The following LINGO2 variants were observed in gnomAD, a reference collection of about 807,000 sequenced individuals.
The protein encoded by LINGO2 is leucine-rich repeat and immunoglobulin-like domain-containing nogo receptor-interacting protein 2.
A neutral mutation model predicts 30.6 loss-of-function variants in LINGO2; 14 were observed. That is an observed-to-expected ratio of 0.46 (90% CI 0.30 to 0.72). The LOEUF is 0.72. LINGO2 is among the 30% of genes least tolerant of loss of function. LINGO2 has a pLI of 0.07. For synonymous variants in LINGO2, 317 were observed against 288.5 expected (o/e 1.10, Z -1.00); for missense variants, 729 against 751.7 (o/e 0.97, Z 0.35).
chr9:28,411,952 ATTTCAATAGC>A (rs1456568698), intron 2 of LINGO2, among the ~76,000 whole-genome samples: 1 of 151,974 alleles, frequency 6.6e-6, no homozygotes, highest in South Asian at 2.1e-4. Flanking sequence ...AAAAATATTG[ATTTCAATAGC>A]TTTAGGGGTA....
chr9:28,152,289 C>G (rs963800880), intron 4 of LINGO2, among the ~76,000 whole-genome samples: 2 of 151,440 alleles, frequency 1.3e-5, no homozygotes, highest in African/African-American at 4.8e-5. Flanking sequence ...TAAAAAGAGC[C>G]TGGCAACTCT....
At chr9:28,487,278 C>G (rs550464555) in intron 1 of LINGO2, among the ~76,000 whole-genome samples, 125 of 152,242 alleles carry the variant, frequency 8.2e-4, no homozygotes, top group African/African-American at 2.8e-3. Context: ...ATGCTTTTCT[C>G]ACCACTGTGA....
chr9:28,152,123 T>A (rs1188146471), intron 4 of LINGO2, among the ~76,000 whole-genome samples: 2 of 152,152 alleles, frequency 1.3e-5, no homozygotes, highest in Admixed American at 6.5e-5. Flanking sequence ...TCAAATCCCA[T>A]GTTGAAATTT....
the LINGO2 span, among the ~76,000 whole-genome samples, chr9:28,899,550 C>T: frequency 6.6e-6 from 1 of 152,214 alleles, no homozygotes; most frequent in African/African-American, 2.4e-5. Flanking sequence ...TTTGCTAGCC[C>T]TTGCATCCCT....
chr9:28,664,020 G>C (rs1049268737), intron 1 of LINGO2, among the ~76,000 whole-genome samples: 10 of 152,122 alleles, frequency 6.6e-5, no homozygotes, highest in African/African-American at 2.2e-4. Context: ...GATAATATGA[G>C]ATATTTGGTA....
chr9:28,553,034 A>G (rs1329877126), intron 1 of LINGO2, among the ~76,000 whole-genome samples: 1 of 151,996 alleles, frequency 6.6e-6, no homozygotes. Flanking sequence ...CTTTGGTATA[A>G]CATGCTTTCT....
chr9:28,791,663 C>A, the LINGO2 span, among the ~76,000 whole-genome samples: 5 of 151,954 alleles, frequency 3.3e-5, no homozygotes, highest in Admixed American at 2.6e-4. Context: ...TAAAAAAGTA[C>A]TCTACTTTAC....
Position 28,054,488 on chromosome 9 carries a change from G to A in LINGO2, c.-86-42083C>T, listed in dbSNP as rs75516240. 3.3e-3 allele frequency among the ~76,000 whole-genome samples: 503 copies of A among 152,180 alleles called. 6 individuals carry two copies. The highest frequency in any genetic ancestry group is 0.011 in the African/African-American group (477 of 41,544). On this transcript the variant is annotated intron_variant, in intron 4 of 5. Coordinates refer to ENST00000379992, the Ensembl canonical transcript of LINGO2. ...CAATTTTATCTAGACCTTAGCTAAC[G>A]TAGTATATATTAGGTATATTAAGAA... is the stretch of plus-strand genomic sequence containing the variant.
intron 4 of LINGO2, among the ~76,000 whole-genome samples, chr9:28,132,182 A>C (rs1005226668): frequency 2.0e-5 from 3 of 152,280 alleles, no homozygotes; most frequent in Admixed American, 2.0e-4. Context: ...AATCTTTTGC[A>C]TATTATGTTC....
chr9:28,594,060 C>T (rs562558064), intron 1 of LINGO2, among the ~76,000 whole-genome samples: 5 of 151,160 alleles, frequency 3.3e-5, no homozygotes, highest in South Asian at 2.1e-4. Flanking sequence ...AAAAAAAACA[C>T]AAAAGTACCC....
chr9:28,673,915 G>T (rs1302962789), upstream of LINGO2, among the ~76,000 whole-genome samples: 2 of 151,386 alleles, frequency 1.3e-5, no homozygotes, highest in South Asian at 4.2e-4. Flanking sequence ...TTTTCAAGCA[G>T]TTAACAGACA....
the LINGO2 span, among the ~76,000 whole-genome samples, chr9:28,900,107 C>T: frequency 9.9e-5 from 15 of 152,114 alleles, no homozygotes; most frequent in African/African-American, 3.1e-4. Flanking sequence ...CCATGCCAAT[C>T]GTCCTGGTTC....
At chr9:28,101,793 C>A (rs920491217) in intron 4 of LINGO2, among the ~76,000 whole-genome samples, 1 of 152,146 alleles carries the variant, frequency 6.6e-6, no homozygotes, top group African/African-American at 2.4e-5. Flanking sequence ...GGATTACATT[C>A]CCCTGCCATC....
At chr9:28,575,339 C>T (rs1238260234) in intron 1 of LINGO2, among the ~76,000 whole-genome samples, 1 of 149,992 alleles carries the variant, frequency 6.7e-6, no homozygotes, top group Non-Finnish European at 1.5e-5. Flanking sequence ...GCAGAGGTTG[C>T]AGTGAGCCAA....
At chr9:28,077,366 AC>A (rs1479695307) in intron 4 of LINGO2, among the ~76,000 whole-genome samples, 6 of 152,232 alleles carry the variant, frequency 3.9e-5, no homozygotes, top group African/African-American at 1.4e-4. Context: ...AGTGAGTCTT[AC>A]AAAAATGTGC....
At chr9:28,830,884 G>A in the LINGO2 span, among the ~76,000 whole-genome samples, 22 of 151,888 alleles carry the variant, frequency 1.4e-4, no homozygotes, top group African/African-American at 1.9e-4. Context: ...GCATGCGTGC[G>A]CACGCACGCA....
At chr9:28,325,212 T>C (rs183068586) in intron 3 of LINGO2, among the ~76,000 whole-genome samples, 1 of 152,260 alleles carries the variant, frequency 6.6e-6, no homozygotes, top group Admixed American at 6.5e-5. Flanking sequence ...AGGGCATTTA[T>C]ATTAGAAAAC....
At position 28,103,422 on chromosome 9, in the gene LINGO2, G is replaced by A. The variant is rs375359840; in HGVS notation, c.-86-91017C>T. On this transcript the variant is annotated intron_variant, in intron 4 of 5. Coordinates refer to ENST00000379992, the Ensembl canonical transcript of LINGO2. ...AGTGAGATGATGCAACTTCCCAACC[G>A]AGGCCCTAAGAAGCTTTGTCTGTTT... Among the ~76,000 whole-genome samples, 5 of 152,026 alleles carry A rather than the reference G, an allele frequency of 3.3e-5. No individual in the cohort carries two copies. The South Asian group carries it at 6.2e-4, about 19-fold the overall frequency.
At chr9:28,994,106 T>C in the LINGO2 span, among the ~76,000 whole-genome samples, 1 of 151,976 alleles carries the variant, frequency 6.6e-6, no homozygotes, top group Non-Finnish European at 1.5e-5. Flanking sequence ...CATGATTGTA[T>C]ATCTAGAAAA....
Sources: allele counts gnomAD v4.1 joint callset (sites outside exome capture counted in the v4.1 genomes callset), GRCh38; gene constraint gnomAD v4.1.1; transcripts MANE v1.5; gene names NCBI Gene and HGNC (gene_info 2026-07-23, HGNC 2026-07-21).